CHRM2: variants seen among roughly 807,000 people sequenced by gnomAD.
CHRM2 encodes cholinergic receptor muscarinic 2.
In CHRM2, 8 loss-of-function variants were observed where a neutral mutation model predicts 25.0. That is an observed-to-expected ratio of 0.32 (90% CI 0.19 to 0.58). The LOEUF (loss-of-function observed/expected upper bound fraction) is 0.58, where lower values mean the gene tolerates loss of function less well. Among genes scored for constraint, CHRM2 ranks in the 20% least tolerant of loss-of-function variants. The probability of loss-of-function intolerance (pLI) is 0.88; values close to 1 mark genes in which losing one functional copy is unlikely to be tolerated. For synonymous variants in CHRM2, 202 were observed against 205.7 expected, an observed-to-expected ratio of 0.98 and a Z score of 0.15; for missense variants, 440 against 567.1, an observed-to-expected ratio of 0.78 and a Z score of 2.28.
At chr7:136,932,399 T>C (rs565736923) in intron 2 of CHRM2, among the ~76,000 whole-genome samples, 1 of 152,312 alleles carries the variant, frequency 6.6e-6, no homozygotes, top group South Asian at 2.1e-4. Flanking sequence ...ATCAATCCTA[T>C]ATCAAATCTT....
intron 2 of CHRM2, among the ~76,000 whole-genome samples, chr7:136,954,262 CATT>C (rs2130866128): frequency 6.6e-6 from 1 of 152,242 alleles, no homozygotes; most frequent in African/African-American, 2.4e-5. Flanking sequence ...TCCACAATGC[CATT>C]ATTTTAAAAA....
intron 2 of CHRM2, among the ~76,000 whole-genome samples, chr7:136,937,699 C>T (rs1006763129): frequency 6.6e-6 from 1 of 152,098 alleles, no homozygotes; most frequent in Non-Finnish European, 1.5e-5. Flanking sequence ...GTGCACTTAT[C>T]CAACTGGAGA....
rs547016704 is a variant in CHRM2 at position 136,882,993 on chromosome 7, T to C, written c.-125+13575T>C. Among the ~76,000 whole-genome samples the C allele has an allele frequency of 1.2e-3, 180 of 152,028 alleles. 3 individuals carry two copies. Among genetic ancestry groups the C allele is most frequent in the Admixed American group, 0.012 (180 of 15,274 alleles). On this transcript the variant is annotated intron_variant, in intron 2 of 3. Coordinates refer to ENST00000680005, the MANE Select transcript of CHRM2 (RefSeq NM_001006630.2). ...AAGATAAATGAACAAAGATGAAGAATAATATACCTCATGAAACTAAGTAAC... is the reference window on the plus strand; with the variant it reads ...AAGATAAATGAACAAAGATGAAGAACAATATACCTCATGAAACTAAGTAAC...
chr7:137,002,335 T>G (rs1381885831), intron 3 of CHRM2, among the ~76,000 whole-genome samples: 1 of 152,156 alleles, frequency 6.6e-6, no homozygotes, highest in East Asian at 1.9e-4. Context: ...CATATGAAAT[T>G]TTGTTATTTT....
intron 2 of CHRM2, chr7:136,907,872 G>A (rs1354151956): frequency 6.6e-6 from 1 of 151,952 alleles, no homozygotes; most frequent in Admixed American, 6.6e-5. Context: ...CAGAGCAGGG[G>A]ATATTCCGTC....
At chr7:136,874,529 T>C (rs1374171688) in intron 2 of CHRM2, among the ~76,000 whole-genome samples, 1 of 143,242 alleles carries the variant, frequency 7.0e-6, no homozygotes, top group South Asian at 2.3e-4. Flanking sequence ...GTCTCTCTTT[T>C]TTTTCTCTGT....
At position 136,868,746 on chromosome 7, in the gene CHRM2, G is replaced by GCACACACACA. The variant is rs35916399; in HGVS notation, c.-510_-501dup. 1.3e-5 allele frequency: 2 copies of GCACACACACA among 149,468 alleles called. No homozygotes were observed. Among genetic ancestry groups the GCACACACACA allele is most frequent in the African/African-American group, 4.9e-5 (2 of 40,694 alleles). The allele number at this position is 149,468 out of a possible 1,614,324, so 9.3% of individuals were successfully genotyped here. ...GCAAAGACCTAGGGAGCGCGCGCGGGCACACACACACACACACACACACAC... is the reference window on the plus strand; with the variant it reads ...GCAAAGACCTAGGGAGCGCGCGCGGGCACACACACACACACACACACACACACACACACAC... On this transcript the variant is annotated 5_prime_UTR_variant, in exon 1 of 4. Coordinates refer to ENST00000680005, the MANE Select transcript of CHRM2 (RefSeq NM_001006630.2).
chr7:136,951,490 G>A (rs1030621571), intron 2 of CHRM2, among the ~76,000 whole-genome samples: 2 of 152,094 alleles, frequency 1.3e-5, no homozygotes, highest in South Asian at 4.2e-4. Context: ...TGCAGCTTAC[G>A]TCCCTTTTGT....
At chr7:136,918,049 A>G (rs993750584) in intron 2 of CHRM2, among the ~76,000 whole-genome samples, 1 of 152,084 alleles carries the variant, frequency 6.6e-6, no homozygotes, top group Admixed American at 6.6e-5. Context: ...AAAGAGAGAA[A>G]GGTTTTAAGG....
At chr7:136,906,445 G>C (rs887208859) in intron 2 of CHRM2, among the ~76,000 whole-genome samples, 2 of 151,050 alleles carry the variant, frequency 1.3e-5, no homozygotes, top group Non-Finnish European at 3.0e-5. Flanking sequence ...TATACATTTG[G>C]TTTTTATTCC....
chr7:136,958,936 T>A (rs189648713), intron 2 of CHRM2, among the ~76,000 whole-genome samples: 2 of 152,346 alleles, frequency 1.3e-5, no homozygotes, highest in Admixed American at 1.3e-4. Flanking sequence ...TTTGAAAAAT[T>A]TGAGCATATG....
chr7:136,936,823 AC>A (rs1241638771), intron 2 of CHRM2, among the ~76,000 whole-genome samples: 1 of 152,232 alleles, frequency 6.6e-6, no homozygotes, highest in African/African-American at 2.4e-5. Flanking sequence ...CTTCTATATT[AC>A]CCTTCTATGT....
chr7:136,935,613 G>T (rs998560783), intron 2 of CHRM2, among the ~76,000 whole-genome samples: 2 of 152,092 alleles, frequency 1.3e-5, no homozygotes, highest in Non-Finnish European at 2.9e-5. Context: ...TTGATTAAGT[G>T]GCCCCACTCT....
intron 2 of CHRM2, among the ~76,000 whole-genome samples, chr7:136,965,568 TAACTC>T (rs1801363148): frequency 6.6e-6 from 1 of 151,886 alleles, no homozygotes; most frequent in South Asian, 2.1e-4. Context: ...AAAGAGAAAA[TAACTC>T]AAAATAAATG....
At chr7:136,897,952 G>A (rs1796995049) in intron 2 of CHRM2, among the ~76,000 whole-genome samples, 3 of 152,054 alleles carry the variant, frequency 2.0e-5, no homozygotes, top group African/African-American at 7.2e-5. Flanking sequence ...TTTCTGTAGT[G>A]TAATCACAAA....
Position 137,019,773 on chromosome 7 carries a change from G to T in CHRM2, c.*3507G>T, listed in dbSNP as rs1805343217. 1.3e-5 allele frequency: 2 copies of T among 151,816 alleles called. No homozygotes were observed. The highest frequency in any genetic ancestry group is 2.9e-5 in the Non-Finnish European group (2 of 67,868). 9.4% of individuals were successfully genotyped at this position (151,816 alleles called of 1,614,324 possible). ...AGAAGCCACAACGGGTAAGCTTTCT[G>T]ATTTGAAATGTACAAGCTGGATGTC... On this transcript the variant is annotated 3_prime_UTR_variant, in exon 4 of 4. Transcript: ENST00000680005.
At chr7:136,970,862 C>T (rs924499574) in intron 2 of CHRM2, among the ~76,000 whole-genome samples, 1 of 152,058 alleles carries the variant, frequency 6.6e-6, no homozygotes, top group African/African-American at 2.4e-5. Context: ...TGCTTGGGTC[C>T]CAAATCTAAG....
At chr7:136,898,831 A>G (rs1405026456) in intron 2 of CHRM2, 1 of 152,104 alleles carries the variant, frequency 6.6e-6, no homozygotes, top group African/African-American at 2.4e-5. Context: ...AACAAGCACT[A>G]TCAAGATGGA....
At chr7:136,892,448 A>C (rs1330412978) in intron 2 of CHRM2, among the ~76,000 whole-genome samples, 2 of 151,660 alleles carry the variant, frequency 1.3e-5, no homozygotes, top group Non-Finnish European at 2.9e-5. Flanking sequence ...CAGTATACAA[A>C]GCTCAAGGAC....
Sources: gnomAD v4.1 joint callset for allele counts (sites outside exome capture counted in the v4.1 genomes callset) on GRCh38, gnomAD v4.1.1 for gene constraint, MANE v1.5 for transcripts, NCBI Gene and HGNC (gene_info 2026-07-23, HGNC 2026-07-21) for gene names.